Variants in CRY2 observed in about 807,000 individuals in gnomAD.
CRY2 encodes cryptochrome circadian regulator 2, also known as cryptochrome-2.
CRY2 carries 31 observed loss-of-function variants against 69.5 expected under a neutral mutation model. That is an observed-to-expected ratio of 0.45 (90% CI 0.34 to 0.60). CRY2 has a LOEUF of 0.60. Among genes scored for constraint, CRY2 ranks in the 20% least tolerant of loss-of-function variants. CRY2 has a pLI of 0.02. For missense variants in CRY2, 606 were observed against 797.8 expected, an observed-to-expected ratio of 0.76 and a Z score of 2.90; for synonymous variants, 303 against 312.2, an observed-to-expected ratio of 0.97 and a Z score of 0.31.
intron 11 of CRY2, among the ~76,000 whole-genome samples, chr11:45,877,683 G>C (rs1271023335): frequency 2.6e-5 from 4 of 152,170 alleles, no homozygotes; most frequent in African/African-American, 9.7e-5. Flanking sequence ...TTTTCCCTTG[G>C]TGCCTCCCCT....
intron 9 of CRY2, 145 bp downstream of exon 9, chr11:45,870,677 G>A: frequency 8.6e-7 from 1 of 1,167,002 alleles, no homozygotes; most frequent in East Asian, 2.6e-5. Context: ...GGACACTGCA[G>A]GCTGGGATGA....
rs767273352 is a variant in CRY2 at position 45,860,928 on chromosome 11, A to G, written c.548A>G (p.Lys183Arg). ...ATCATCAGCCGCATGGAGCTGCCCA[A>G]GAAGCCAGTGGGCTTGGTGACCAGC... is the stretch of plus-strand genomic sequence containing the variant. ...QAIISRMELP[K>R]KPVGLVTSQQ... Residue 183 changes from lysine (K) to arginine (R), a missense_variant, in exon 4 of 12, where the codon AAG becomes AGG. By Grantham distance (26) the Lys-to-Arg change is conservative. This residue lies in a region of CRY2 where 382 missense variants were observed against 508.9 expected (regional missense o/e 0.75). Transcript: ENST00000616080. 2.5e-6 allele frequency: 4 copies of G among 1,614,144 alleles called. No homozygotes were observed. The highest frequency in any genetic ancestry group is 2.2e-5 in the East Asian group (1 of 44,876).
intron 1 of CRY2, among the ~76,000 whole-genome samples, chr11:45,850,158 A>G (rs984388161): frequency 6.6e-6 from 1 of 151,616 alleles, no homozygotes. Flanking sequence ...GCAGGCATGC[A>G]CCACCATGCC....
chr11:45,871,213 C>T (rs77632231), intron 10 of CRY2, among the ~76,000 whole-genome samples: 4,977 of 152,260 alleles, frequency 0.033, 245 homozygotes, highest in African/African-American at 0.097. Context: ...CAGAGACCCA[C>T]GTCATGAGCA....
At chr11:45,869,247 G>C (rs2134643686) in intron 6 of CRY2, among the ~76,000 whole-genome samples, 1 of 152,344 alleles carries the variant, frequency 6.6e-6, no homozygotes, top group East Asian at 1.9e-4. Context: ...CTAGTGCAGA[G>C]TCCTGTGGTG....
chr11:45,873,488 A>G (rs182929002), intron 11 of CRY2, among the ~76,000 whole-genome samples: 1 of 152,332 alleles, frequency 6.6e-6, no homozygotes, highest in Admixed American at 6.5e-5. Context: ...TACTAAGCAA[A>G]GTTCATCCTG....
chr11:45,852,744 A>T (rs576808448), intron 1 of CRY2, among the ~76,000 whole-genome samples: 2 of 152,374 alleles, frequency 1.3e-5, no homozygotes, highest in East Asian at 3.9e-4. Context: ...GCAACTTGTA[A>T]CAGAGACTAG....
chr11:45,872,318 A>G (rs1427146914), intron 11 of CRY2, 85 bp downstream of exon 11: 4 of 1,266,486 alleles, frequency 3.2e-6, no homozygotes, highest in African/African-American at 3.0e-5. Flanking sequence ...AGGTTGAAAC[A>G]TAGCAAACTA....
chr11:45,869,935 G>T, intron 7 of CRY2, 118 bp downstream of exon 7: 1 of 1,514,388 alleles, frequency 6.6e-7, no homozygotes, highest in Non-Finnish European at 8.8e-7. Context: ...ATCCCCTCCA[G>T]ATCCTCTGTG....
At chr11:45,847,212 C>T, upstream of CRY2, 1 of 1,549,890 alleles carries the variant, frequency 6.5e-7, no homozygotes, top group East Asian at 2.4e-5. Flanking sequence ...CGGACAGCCC[C>T]AGCCTGCGGA....
At chr11:45,867,550 C>T in intron 5 of CRY2, 62 bp from the exon 6 acceptor site, 2 of 1,602,810 alleles carry the variant, frequency 1.2e-6, no homozygotes, top group Non-Finnish European at 1.7e-6. Context: ...CACCCAATGC[C>T]TCCATTTTTT....
chr11:45,855,871 A>G, intron 1 of CRY2, 111 bp from the exon 2 acceptor site: 1 of 921,976 alleles, frequency 1.1e-6, no homozygotes, highest in African/African-American at 1.6e-5. Context: ...CCTAGTGATC[A>G]TGAGGCTGCC....
At chr11:45,858,484 G>A in intron 2 of CRY2, 2 of 468,424 alleles carry the variant, frequency 4.3e-6, no homozygotes, top group Non-Finnish European at 7.6e-6. Flanking sequence ...AGTGCACAAG[G>A]CTGCCTACCT....
At chr11:45,878,514 T>A (rs919936873) in intron 11 of CRY2, among the ~76,000 whole-genome samples, 2 of 152,160 alleles carry the variant, frequency 1.3e-5, no homozygotes, top group African/African-American at 4.8e-5. Context: ...ATCAGCACAT[T>A]TCAATAAATA....
At chr11:45,849,797 A>G (rs11038688) in intron 1 of CRY2, among the ~76,000 whole-genome samples, 8,745 of 151,948 alleles carry the variant, frequency 0.058, 362 homozygotes, top group Non-Finnish European at 0.081. Flanking sequence ...ATTATTTTGT[A>G]TTTTTAGTAG....
intron 11 of CRY2, among the ~76,000 whole-genome samples, chr11:45,874,367 T>C (rs2086409841): frequency 6.6e-6 from 1 of 152,032 alleles, no homozygotes; most frequent in Admixed American, 6.6e-5. Flanking sequence ...CTAAAACAAA[T>C]AGGGGCTTAT....
At chr11:45,864,163 G>A (rs566628250) in intron 5 of CRY2, among the ~76,000 whole-genome samples, 3 of 152,224 alleles carry the variant, frequency 2.0e-5, no homozygotes, top group African/African-American at 7.2e-5. Context: ...TGATACACAG[G>A]ACACAGCACT....
intron 1 of CRY2, among the ~76,000 whole-genome samples, chr11:45,853,269 G>A (rs980910087): frequency 6.6e-6 from 1 of 152,196 alleles, no homozygotes; most frequent in South Asian, 2.1e-4. Context: ...GCCTGTCATT[G>A]TAAATGCTTA....
chr11:45,860,698 GC>G (rs1293752864), intron 3 of CRY2, 149 bp from the exon 4 acceptor site: 6 of 792,572 alleles, frequency 7.6e-6, no homozygotes, highest in Non-Finnish European at 1.2e-5. Context: ...GGCCTCCCTT[GC>G]CCCCTCCTTT....
Sources: allele counts gnomAD v4.1 joint callset (sites outside exome capture counted in the v4.1 genomes callset), GRCh38; gene constraint gnomAD v4.1.1; regional missense constraint gnomAD v4.1.1; transcripts MANE v1.5; gene names NCBI Gene and HGNC (gene_info 2026-07-23, HGNC 2026-07-21).